The following ANKH variants were observed in gnomAD, a reference collection of about 807,000 sequenced individuals.
ANKH encodes mineralization regulator ANKH.
A neutral mutation model predicts 49.0 loss-of-function variants in ANKH; 15 were observed. That is an observed-to-expected ratio of 0.31 (90% CI 0.20 to 0.47). The LOEUF is 0.47. Ranked by LOEUF, ANKH falls within the 20% of genes least tolerant of loss-of-function variation. ANKH has a pLI of 1.00. For synonymous variants in ANKH, 273 were observed against 260.0 expected (o/e 1.05, Z -0.48); for missense variants, 429 against 652.0 (o/e 0.66, Z 3.72).
intron 1 of ANKH, among the ~76,000 whole-genome samples, chr5:14,810,642 T>A (rs931780133): frequency 2.6e-5 from 4 of 152,144 alleles, no homozygotes; most frequent in African/African-American, 9.7e-5. Context: ...CCTAGCAATT[T>A]CAAGTCTCAG....
At chr5:14,780,411 C>T (rs912287345) in intron 1 of ANKH, among the ~76,000 whole-genome samples, 3 of 152,094 alleles carry the variant, frequency 2.0e-5, no homozygotes, top group African/African-American at 4.8e-5. Context: ...GGCGTGGTGG[C>T]ACATGCCTGT....
chr5:14,868,387 T>C (rs1735714962), intron 1 of ANKH: 1 of 151,724 alleles, frequency 6.6e-6, no homozygotes, highest in Non-Finnish European at 1.5e-5. Flanking sequence ...TATTTTTTAA[T>C]TTTGCATTTC....
At chr5:14,723,009 T>C (rs1326199111) in intron 8 of ANKH, among the ~76,000 whole-genome samples, 1 of 151,688 alleles carries the variant, frequency 6.6e-6, no homozygotes, top group African/African-American at 2.4e-5. Flanking sequence ...CAAACGCACA[T>C]TGAGGGACCT....
At chr5:14,845,368 T>A (rs1236056773) in intron 1 of ANKH, among the ~76,000 whole-genome samples, 1,512 of 20,098 alleles carry the variant, frequency 0.075, 18 homozygotes, top group East Asian at 0.13. Context: ...ATATATATAT[T>A]TTTTTTTTTA....
chr5:14,712,852 G>T, intron 11 of ANKH, 22 bp downstream of exon 11: 4 of 1,578,782 alleles, frequency 2.5e-6, no homozygotes, highest in Non-Finnish European at 2.6e-6. Context: ...CCGGGAGGAG[G>T]CTCCCGGCGC....
In ANKH at chr5:14,846,924, C is replaced by T. The variant is rs146883210; in HGVS notation, c.96+24428G>A. Among the ~76,000 whole-genome samples, 489 of 147,184 alleles carry T rather than the reference C, an allele frequency of 3.3e-3. 3 individuals are homozygous for T. Among genetic ancestry groups the T allele is most frequent in the African/African-American group, 0.011 (455 of 40,234 alleles). On this transcript the variant is annotated intron_variant, in intron 1 of 11. Transcript: ENST00000284268. ...TCGGGAGGCTGAGGCAGGAGAATTGCTTGAACTCAGGAGACGGATGTTGCA... is the reference window on the plus strand; with the variant it reads ...TCGGGAGGCTGAGGCAGGAGAATTGTTTGAACTCAGGAGACGGATGTTGCA...
At chr5:14,850,179 GC>G (rs1742085193) in intron 1 of ANKH, among the ~76,000 whole-genome samples, 1 of 152,084 alleles carries the variant, frequency 6.6e-6, no homozygotes, top group Non-Finnish European at 1.5e-5. Context: ...GGCTAACCCT[GC>G]CCCCCACCAC....
intron 1 of ANKH, among the ~76,000 whole-genome samples, chr5:14,783,025 C>A (rs888620074): frequency 7.2e-5 from 11 of 152,128 alleles, no homozygotes; most frequent in African/African-American, 2.2e-4. Context: ...TCATTTACTT[C>A]TGCATGAGGG....
intron 1 of ANKH, among the ~76,000 whole-genome samples, chr5:14,836,108 G>A (rs1202227917): frequency 6.6e-6 from 1 of 152,060 alleles, no homozygotes; most frequent in Non-Finnish European, 1.5e-5. Context: ...GGTATTGATG[G>A]GACGTATCTC....
chr5:14,746,036 A>G, intron 6 of ANKH, 74 bp from the exon 7 acceptor site: 1 of 1,235,790 alleles, frequency 8.1e-7, no homozygotes, highest in Non-Finnish European at 1.2e-6. Flanking sequence ...TAGGTGACGA[A>G]GCACGCCGAC....
chr5:14,868,004 A>G (rs1486413491), intron 1 of ANKH, among the ~76,000 whole-genome samples: 1 of 152,158 alleles, frequency 6.6e-6, no homozygotes, highest in Non-Finnish European at 1.5e-5. Flanking sequence ...AGTCCATAAG[A>G]TTTGGTTTCC....
intron 8 of ANKH, among the ~76,000 whole-genome samples, chr5:14,738,491 G>T (rs765393548): frequency 6.6e-6 from 1 of 152,138 alleles, no homozygotes; most frequent in Non-Finnish European, 1.5e-5. Flanking sequence ...TGGCCAATGC[G>T]TGGAGGGCTG....
At chr5:14,752,372 T>C (rs186215417) in intron 4 of ANKH, among the ~76,000 whole-genome samples, 1 of 152,286 alleles carries the variant, frequency 6.6e-6, no homozygotes, top group East Asian at 1.9e-4. Flanking sequence ...ACAACTTACA[T>C]TAACATTTAA....
intron 1 of ANKH, among the ~76,000 whole-genome samples, chr5:14,855,499 T>C (rs1352134252): frequency 6.6e-6 from 1 of 152,196 alleles, no homozygotes; most frequent in Admixed American, 6.5e-5. Flanking sequence ...CAAAACAGTA[T>C]ACTAAGCACT....
chr5:14,715,862 A>G (rs1022780486), intron 9 of ANKH, among the ~76,000 whole-genome samples: 3 of 152,200 alleles, frequency 2.0e-5, no homozygotes. Flanking sequence ...TAACTTTCCA[A>G]CTGGCTTTTG....
chr5:14,715,922 C>T (rs542197136), intron 9 of ANKH, among the ~76,000 whole-genome samples: 85 of 152,372 alleles, frequency 5.6e-4, no homozygotes, highest in Non-Finnish European at 1.0e-3. Context: ...GCCTCAGGTT[C>T]CCCTGGAGTC....
At position 14,713,110 on chromosome 5, in the gene ANKH, AG is replaced by A. The variant is rs1384922688; in HGVS notation, c.1266-138del. 3.5e-6 allele frequency: 3 copies of A among 857,702 alleles called. No individual in the cohort carries two copies. The highest frequency in any genetic ancestry group is 1.5e-5 in the South Asian group (1 of 68,160). 53.1% of individuals were successfully genotyped at this position (857,702 alleles called of 1,614,324 possible). ...GCGTTCTCCATCTGCTGGCTTCGTA[AG>A]GGCCGCAGCTAATAACCTAATGTGT... is the stretch of plus-strand genomic sequence containing the variant. On this transcript the variant is annotated intron_variant, in intron 10 of 11. Transcript: ENST00000284268. This position sits in a 1 kb window ranked among gnomAD's most constrained non-coding sequence, Gnocchi z 4.4.
chr5:14,852,022 C>T (rs1195451744), intron 1 of ANKH, among the ~76,000 whole-genome samples: 1 of 152,204 alleles, frequency 6.6e-6, no homozygotes, highest in Non-Finnish European at 1.5e-5. Context: ...TGGCACACAC[C>T]TATAATTCCA....
intron 1 of ANKH, among the ~76,000 whole-genome samples, chr5:14,858,284 C>T (rs774720551): frequency 9.2e-5 from 14 of 152,122 alleles, no homozygotes; most frequent in Non-Finnish European, 1.8e-4. Flanking sequence ...CCCAGAGCCC[C>T]CAAAGTCCTT....
Sources: gnomAD v4.1 joint callset for allele counts (sites outside exome capture counted in the v4.1 genomes callset) on GRCh38, gnomAD v4.1.1 for gene constraint, Gnocchi (gnomAD v3.1) non-coding constraint, MANE v1.5 for transcripts, NCBI Gene and HGNC (gene_info 2026-07-23, HGNC 2026-07-21) for gene names.